Variants in TNRC6C observed in about 807,000 individuals in gnomAD.
The protein encoded by TNRC6C is trinucleotide repeat containing adaptor 6C, also known as trinucleotide repeat-containing gene 6C protein.
In TNRC6C, 20 loss-of-function variants were observed where a neutral mutation model predicts 153.7. That is an observed-to-expected ratio of 0.13 (90% CI 0.09 to 0.19). TNRC6C has a LOEUF of 0.19. Among genes scored for constraint, TNRC6C ranks in the 10% least tolerant of loss-of-function variants. The pLI, the probability that TNRC6C is intolerant of heterozygous loss-of-function variation, is 1.00. For missense variants in TNRC6C, 1,987 were observed against 2,172.0 expected, an observed-to-expected ratio of 0.91 and a Z score of 1.69; for synonymous variants, 811 against 841.4, an observed-to-expected ratio of 0.96 and a Z score of 0.63.
chr17:78,071,072 C>T lies in TNRC6C; in HGVS notation c.2779-13C>T, dbSNP rs1201073114. 2 of 1,593,476 alleles carry T rather than the reference C, an allele frequency of 1.3e-6. No homozygotes were observed. The highest frequency in any genetic ancestry group is 8.5e-7 in the Non-Finnish European group (1 of 1,169,608). On this transcript the variant is annotated splice_polypyrimidine_tract_variant and intron_variant, in intron 5 of 19. Transcript: ENST00000301624. Reference sequence around the variant, plus strand: ...AGCTCATGGACTTCCCCCTTTCCCACACTTTGTTCAAGGGCATGAAGACGT... The same window carrying T: ...AGCTCATGGACTTCCCCCTTTCCCATACTTTGTTCAAGGGCATGAAGACGT...
chr17:78,057,707 A>G (rs914332607), intron 3 of TNRC6C, among the ~76,000 whole-genome samples: 1 of 152,226 alleles, frequency 6.6e-6, no homozygotes, highest in Non-Finnish European at 1.5e-5. Context: ...AGGTTGACCT[A>G]TGCTGAATTT....
chr17:78,076,717 G>T (rs1419224782), intron 8 of TNRC6C, among the ~76,000 whole-genome samples: 1 of 152,056 alleles, frequency 6.6e-6, no homozygotes, highest in Non-Finnish European at 1.5e-5. Flanking sequence ...AATTAATAAG[G>T]TTCTGTCTTT....
intron 7 of TNRC6C, 145 bp from the exon 10 acceptor site, chr17:78,074,991 G>C: frequency 9.0e-7 from 1 of 1,112,730 alleles, no homozygotes; most frequent in South Asian, 1.6e-5. Context: ...CCCTAGCAAA[G>C]CAAGGGCTCT....
intron 1 of TNRC6C, among the ~76,000 whole-genome samples, chr17:77,997,626 C>G (rs571677820): frequency 1.3e-5 from 2 of 152,140 alleles, no homozygotes; most frequent in East Asian, 3.9e-4. Flanking sequence ...TATCCTGAAC[C>G]CTTTTCACCA....
At chr17:77,961,128 A>G (rs2070858426) in intron 1 of TNRC6C, among the ~76,000 whole-genome samples, 1 of 151,980 alleles carries the variant, frequency 6.6e-6, no homozygotes, top group South Asian at 2.1e-4. Context: ...GTCCAAAACA[A>G]AGACCTTGCT....
Position 78,049,056 on chromosome 17 carries a change from CAGT to C in TNRC6C, c.-4_-2del, listed in dbSNP as rs554303513. On this transcript the variant is annotated 5_prime_UTR_variant, in exon 3 of 20. Transcript: ENST00000301624. This position sits in a 1 kb window ranked among gnomAD's most constrained non-coding sequence, Gnocchi z 4.1. ...CTGCCTCCAACTGTGGCTCAGAGAA[CAGT>C]AGCATGGCTACAGGGAGTGCCCAGG... 5.3e-4 allele frequency: 806 copies of C among 1,517,874 alleles called. 4 individuals carry two copies. The highest frequency in any genetic ancestry group is 4.2e-3 in the Middle Eastern group (23 of 5,432). 94.0% of individuals were successfully genotyped at this position (1,517,874 alleles called of 1,614,324 possible).
At chr17:78,050,617 G>A (rs1481161710) in exon 3 of TNRC6C, 7 of 1,577,004 alleles carry the variant, frequency 4.4e-6, no homozygotes, top group Non-Finnish European at 6.0e-6. Flanking sequence ...CGCTGTGCCA[G>A]CAAACACAGG....
At chr17:77,980,069 G>A (rs1237737380) in intron 1 of TNRC6C, among the ~76,000 whole-genome samples, 1 of 152,200 alleles carries the variant, frequency 6.6e-6, no homozygotes, top group Non-Finnish European at 1.5e-5. Context: ...TATAAAGAAA[G>A]TTCTTCAGGT....
At chr17:78,094,748 G>C (rs932156201) in intron 16 of TNRC6C, among the ~76,000 whole-genome samples, 3 of 152,162 alleles carry the variant, frequency 2.0e-5, no homozygotes, top group African/African-American at 7.2e-5. Context: ...CTGCTTCTGT[G>C]GTTCTTTAAA....
chr17:78,024,452 C>T (rs977316412), intron 1 of TNRC6C, among the ~76,000 whole-genome samples: 3 of 150,694 alleles, frequency 2.0e-5, no homozygotes, highest in African/African-American at 4.9e-5. Flanking sequence ...CTGCAAGCTT[C>T]GCCTCCCAGG....
chr17:78,003,634 C>T (rs144271937), upstream of TNRC6C, among the ~76,000 whole-genome samples: 142 of 152,164 alleles, frequency 9.3e-4, no homozygotes, highest in African/African-American at 3.3e-3. Context: ...TATTTAGAAA[C>T]AGAAGGAAGG....
chr17:78,026,478 A>G (rs1257947251), intron 1 of TNRC6C, among the ~76,000 whole-genome samples: 1 of 152,246 alleles, frequency 6.6e-6, no homozygotes, highest in Admixed American at 6.5e-5. Context: ...AAACTGATAT[A>G]TTCATTGTCA....
intron 1 of TNRC6C, among the ~76,000 whole-genome samples, chr17:77,985,987 G>C (rs1358283402): frequency 6.6e-6 from 1 of 152,190 alleles, no homozygotes; most frequent in Non-Finnish European, 1.5e-5. Flanking sequence ...GTATAGATAA[G>C]TCAGTAACTG....
chr17:78,036,783 G>A (rs1029152579), intron 2 of TNRC6C, among the ~76,000 whole-genome samples: 25 of 151,880 alleles, frequency 1.6e-4, no homozygotes, highest in Non-Finnish European at 2.9e-5. Flanking sequence ...AATTAGCTGG[G>A]TGTGATGGTA....
chr17:78,004,868 A>G (rs972307609), upstream of TNRC6C, among the ~76,000 whole-genome samples: 6 of 152,146 alleles, frequency 3.9e-5, no homozygotes, highest in Non-Finnish European at 8.8e-5. Context: ...TTAGATTAAC[A>G]TTGGTATATA....
rs772960908 is a variant in TNRC6C at position 78,036,645 on chromosome 17, C to T, written c.-219+4803C>T. Among the ~76,000 whole-genome samples, 21 of 151,968 alleles carry T rather than the reference C, an allele frequency of 1.4e-4. 1 individual carries two copies. The highest frequency in any genetic ancestry group is 1.9e-4 in the East Asian group (1 of 5,196). ...AATTAGAGAAGAGACTTACATAGGC[C>T]GGGCGCGTTGGCTCACACCTGTAAT... On this transcript the variant is annotated intron_variant, in intron 2 of 19. Coordinates refer to ENST00000301624, the Ensembl canonical transcript of TNRC6C.
rs368819483 is a variant in TNRC6C, at chr17:78,079,514, T to C, written c.3330T>C (p.Ala1110=). 1.2e-6 allele frequency: 2 copies of C among 1,613,718 alleles called. No individual in the cohort carries two copies. Among genetic ancestry groups the C allele is most frequent in the Non-Finnish European group, 1.7e-6 (2 of 1,179,888 alleles). Reference sequence around the variant, plus strand: ...ACTCTTCCCAGCCCAGTCTCCGTGCTCAAGTGCCTCAGTTTCTATCCCCTC... The same window carrying C: ...ACTCTTCCCAGCCCAGTCTCCGTGCCCAAGTGCCTCAGTTTCTATCCCCTC... Residue 1110 remains alanine, a synonymous_variant, in exon 10 of 20, where the codon GCT becomes GCC. Coordinates refer to ENST00000301624, the Ensembl canonical transcript of TNRC6C. This position sits in a 1 kb window ranked among gnomAD's most constrained non-coding sequence, Gnocchi z 4.3.
intron 3 of TNRC6C, among the ~76,000 whole-genome samples, chr17:78,057,027 G>T (rs1187239661): frequency 6.6e-6 from 1 of 152,108 alleles, no homozygotes; most frequent in African/African-American, 2.4e-5. Flanking sequence ...CTCTTTGTAG[G>T]TGTAGCAATA....
chr17:78,031,572 A>G (rs1313581340), exon 2 of TNRC6C: 8 of 1,232,230 alleles, frequency 6.5e-6, no homozygotes, highest in Non-Finnish European at 7.1e-6. Flanking sequence ...TACCAGTACC[A>G]GTACTTCCAC....
Sources: allele counts gnomAD v4.1 joint callset (sites outside exome capture counted in the v4.1 genomes callset), GRCh38; gene constraint gnomAD v4.1.1; non-coding constraint Gnocchi (gnomAD v3.1); transcripts MANE v1.5; gene names NCBI Gene and HGNC (gene_info 2026-07-23, HGNC 2026-07-21).